The following VWA8 variants were observed in gnomAD, a reference collection of about 807,000 sequenced individuals.
VWA8 encodes von Willebrand factor A domain containing 8, also known as von Willebrand factor A domain-containing protein 8.
In VWA8, 221 loss-of-function variants were observed where a neutral mutation model predicts 241.5. The observed-to-expected ratio is 0.91, with a 90% CI of 0.82 to 1.02. The LOEUF is 1.02. Among genes scored for constraint, VWA8 ranks in the 50% least tolerant of loss-of-function variants. The pLI is 0.00. For missense variants in VWA8, 2,322 were observed against 2,328.7 expected, an observed-to-expected ratio of 1.00 and a Z score of 0.06; for synonymous variants, 852 against 827.1, an observed-to-expected ratio of 1.03 and a Z score of -0.52.
chr13:41,736,841 TTTC>T (rs2045528750), intron 21 of VWA8, among the ~76,000 whole-genome samples: 1 of 129,534 alleles, frequency 7.7e-6, no homozygotes, highest in African/African-American at 2.8e-5. Context: ...TATTTTTTCT[TTTC>T]TTTTTTTTTT....
chr13:41,701,368 G>T, intron 28 of VWA8, 24 bp downstream of exon 28: 2 of 1,535,528 alleles, frequency 1.3e-6, no homozygotes, highest in South Asian at 1.3e-5. Flanking sequence ...AGGAAGGAAA[G>T]ATCAAAAGAA....
intron 9 of VWA8, among the ~76,000 whole-genome samples, chr13:41,880,687 T>C (rs1874128002): frequency 6.6e-6 from 1 of 152,202 alleles, no homozygotes; most frequent in Admixed American, 6.5e-5. Flanking sequence ...ACCCTCAACC[T>C]AGAAATCTAC....
chr13:41,667,473 T>C lies in VWA8; in HGVS notation c.4611+3473A>G, dbSNP rs564449269. On this transcript the variant is annotated intron_variant, in intron 37 of 44. Coordinates refer to ENST00000379310, the MANE Select transcript of VWA8 (RefSeq NM_015058.2). ...CAGTCTCACACTGTATTTCAGAAGA[T>C]TGCAACCATTGTTAAAGAATATACT... Among the ~76,000 whole-genome samples the C allele has an allele frequency of 3.3e-5, 5 of 152,338 alleles. No homozygotes were observed. The East Asian group carries it at 5.8e-4, about 18-fold the overall frequency.
At chr13:41,644,309 T>G (rs948097663) in intron 37 of VWA8, among the ~76,000 whole-genome samples, 2 of 152,142 alleles carry the variant, frequency 1.3e-5, no homozygotes, top group African/African-American at 4.8e-5. Context: ...AGAGGTAGTT[T>G]GCCTTGCCCA....
At chr13:41,648,968 G>A (rs1859512316) in intron 37 of VWA8, among the ~76,000 whole-genome samples, 1 of 152,188 alleles carries the variant, frequency 6.6e-6, no homozygotes, top group Non-Finnish European at 1.5e-5. Context: ...TGGATCACAT[G>A]AGGCCAGGAG....
chr13:41,631,484 T>C (rs189905785), intron 37 of VWA8, among the ~76,000 whole-genome samples: 2 of 152,304 alleles, frequency 1.3e-5, no homozygotes, highest in East Asian at 3.9e-4. Flanking sequence ...CTCCCTGTCA[T>C]AGCCTCTGAG....
intron 12 of VWA8, among the ~76,000 whole-genome samples, chr13:41,846,191 G>A (rs1872283853): frequency 6.6e-6 from 1 of 152,054 alleles, no homozygotes; most frequent in Admixed American, 6.6e-5. Flanking sequence ...GTGTGCCACT[G>A]TGCTCAGCTT....
At chr13:41,791,702 T>A (rs116603772) in intron 17 of VWA8, among the ~76,000 whole-genome samples, 1 of 151,924 alleles carries the variant, frequency 6.6e-6, no homozygotes, top group Non-Finnish European at 1.5e-5. Context: ...TTATGATAGA[T>A]AACTGTAAAT....
At chr13:41,770,089 G>C (rs2045807987) in intron 20 of VWA8, among the ~76,000 whole-genome samples, 3 of 152,204 alleles carry the variant, frequency 2.0e-5, no homozygotes, top group Admixed American at 1.3e-4. Context: ...AGAGTAAGAG[G>C]CACCATATGA....
chr13:41,790,540 A>T (rs567312821), intron 17 of VWA8, among the ~76,000 whole-genome samples: 7 of 152,002 alleles, frequency 4.6e-5, no homozygotes, highest in Non-Finnish European at 1.0e-4. Context: ...TTCTGATTAA[A>T]CTCTTACAAC....
chr13:41,725,050 G>T (rs1032590747), intron 24 of VWA8, among the ~76,000 whole-genome samples: 9 of 152,226 alleles, frequency 5.9e-5, no homozygotes, highest in African/African-American at 2.2e-4. Context: ...AATGTTGTTA[G>T]AGAGTTGGCA....
intron 42 of VWA8, among the ~76,000 whole-genome samples, chr13:41,583,461 G>A (rs758278678): frequency 4.9e-4 from 75 of 152,154 alleles, no homozygotes; most frequent in Middle Eastern, 3.4e-3. Flanking sequence ...GGCCAATATG[G>A]TGAAACCACT....
intron 21 of VWA8, among the ~76,000 whole-genome samples, chr13:41,758,433 C>T (rs1262173739): frequency 7.2e-5 from 5 of 69,142 alleles, no homozygotes; most frequent in African/African-American, 2.6e-4. Flanking sequence ...TATATATACG[C>T]TAGTATATAT....
At position 41,887,249 on chromosome 13, in the gene VWA8, G is replaced by T. The variant is rs1364878402; in HGVS notation, c.764C>A (p.Pro255His). 6.2e-7 allele frequency: 1 copy of T among 1,613,408 alleles called. No individual in the cohort carries two copies. Among genetic ancestry groups the T allele is most frequent in the Non-Finnish European group, 8.5e-7 (1 of 1,179,746 alleles). ...VPRYSGNPLD[P>H]PLRSRFQARD... is the part of the protein sequence containing the mutation. ...GGCTTGAAATCGAGAACGAAGAGGGGGGTCTAATGGATTCCCAGAATACCT... is the reference window on the plus strand; with the variant it reads ...GGCTTGAAATCGAGAACGAAGAGGGTGGTCTAATGGATTCCCAGAATACCT... The change falls in exon 6 of 45, where the codon CCC (proline) becomes CAC (histidine). Residue 255 changes from proline (P) to histidine (H), a missense_variant. By Grantham distance (77) the Pro-to-His change is moderately conservative. Transcript: ENST00000379310.
At chr13:41,702,685 A>G (rs1400280499) in intron 27 of VWA8, among the ~76,000 whole-genome samples, 1 of 152,218 alleles carries the variant, frequency 6.6e-6, no homozygotes, top group Non-Finnish European at 1.5e-5. Flanking sequence ...CAGAATCTGT[A>G]GGGCCACAAA....
At chr13:41,639,082 T>C (rs17062453) in intron 37 of VWA8, among the ~76,000 whole-genome samples, 5,032 of 152,024 alleles carry the variant, frequency 0.033, 282 homozygotes, top group African/African-American at 0.12. Flanking sequence ...TCTGAGAATG[T>C]AGGTGACAGT....
intron 16 of VWA8, among the ~76,000 whole-genome samples, chr13:41,811,558 A>C (rs528652971): frequency 6.6e-5 from 10 of 152,296 alleles, no homozygotes; most frequent in African/African-American, 2.4e-4. Context: ...TTTATCAATT[A>C]AATTTAATTA....
chr13:41,719,867 A>G, intron 25 of VWA8, 125 bp from the exon 26 acceptor site: 1 of 870,742 alleles, frequency 1.1e-6, no homozygotes, highest in Non-Finnish European at 1.7e-6. Flanking sequence ...GCCTTGTCAA[A>G]TAAGCAGGTA....
At chr13:41,871,257 G>A (rs980329163) in intron 9 of VWA8, among the ~76,000 whole-genome samples, 13 of 151,920 alleles carry the variant, frequency 8.6e-5, no homozygotes, top group Admixed American at 3.9e-4. Flanking sequence ...TATTTCCTAT[G>A]AATTCTTGAA....
Sources: gnomAD v4.1 joint callset for allele counts (sites outside exome capture counted in the v4.1 genomes callset) on GRCh38, gnomAD v4.1.1 for gene constraint, MANE v1.5 for transcripts, NCBI Gene and HGNC (gene_info 2026-07-23, HGNC 2026-07-21) for gene names.